KCNN3: variants seen among roughly 807,000 people sequenced by gnomAD.
KCNN3 encodes small conductance calcium-activated potassium channel protein 3.
KCNN3 carries 16 observed loss-of-function variants against 62.9 expected under a neutral mutation model. The ratio of observed to expected loss-of-function variants is 0.25; its 90% CI spans 0.17 to 0.39. The LOEUF (loss-of-function observed/expected upper bound fraction) is 0.39, where lower values mean the gene tolerates loss of function less well. Ranked by LOEUF, KCNN3 falls within the 10% of genes least tolerant of loss-of-function variation. KCNN3 has a pLI of 1.00. For synonymous variants in KCNN3, 370 were observed against 389.2 expected, an observed-to-expected ratio of 0.95 and a Z score of 0.58; for missense variants, 599 against 949.4, an observed-to-expected ratio of 0.63 and a Z score of 4.85.
At position 154,764,115 on chromosome 1, in the gene KCNN3, T is replaced by C. The variant is rs191962958; in HGVS notation, c.1448+7860A>G. Among the ~76,000 whole-genome samples, 379 of 152,372 alleles carry C rather than the reference T, an allele frequency of 2.5e-3. 1 individual carries two copies. The highest frequency in any genetic ancestry group is 8.6e-3 in the African/African-American group (357 of 41,590). ...CTAGGTACTTCTTTTGTAAATTGCATGCAATTAAATTTTGCTTTTAAATCT... is the reference window on the plus strand; with the variant it reads ...CTAGGTACTTCTTTTGTAAATTGCACGCAATTAAATTTTGCTTTTAAATCT... On this transcript the variant is annotated intron_variant, in intron 3 of 7. Coordinates refer to ENST00000271915, the MANE Select transcript of KCNN3 (RefSeq NM_002249.6).
chr1:154,725,117 G>A (rs1700434261), intron 5 of KCNN3, among the ~76,000 whole-genome samples: 2 of 152,174 alleles, frequency 1.3e-5, no homozygotes, highest in Non-Finnish European at 1.5e-5. Context: ...GCCTCCCAAA[G>A]TGCTGGGATT....
intron 1 of KCNN3, among the ~76,000 whole-genome samples, chr1:154,845,547 T>C (rs1179368514): frequency 6.6e-6 from 1 of 152,214 alleles, no homozygotes; most frequent in Non-Finnish European, 1.5e-5. Flanking sequence ...TGAGGCCACC[T>C]TGACTAATGC....
chr1:154,768,550 A>G (rs1050741382), intron 3 of KCNN3, among the ~76,000 whole-genome samples: 4 of 152,134 alleles, frequency 2.6e-5, no homozygotes, highest in African/African-American at 9.7e-5. Flanking sequence ...TCCCTCAGGG[A>G]CCCTGGAGCC....
At chr1:154,855,172 C>T (rs1036594756) in intron 1 of KCNN3, among the ~76,000 whole-genome samples, 7 of 151,974 alleles carry the variant, frequency 4.6e-5, no homozygotes, top group Non-Finnish European at 7.4e-5. Context: ...GAGCCGAGAT[C>T]GTGCCACTGC....
Position 154,862,842 on chromosome 1 carries a change from C to G in KCNN3, c.933+6190G>C, listed in dbSNP as rs934327824. Among the ~76,000 whole-genome samples the G allele has an allele frequency of 6.6e-6, 1 of 152,102 alleles. No individual in the cohort carries two copies. The highest frequency in any genetic ancestry group is 1.9e-4 in the East Asian group (1 of 5,196). ...CCTCCTGTTCCAACATTTTGCATCA[C>G]GGGTCTCAGTGCCATAAACTCAATT... On this transcript the variant is annotated intron_variant, in intron 1 of 7. Coordinates refer to ENST00000271915, the MANE Select transcript of KCNN3 (RefSeq NM_002249.6). The surrounding 1 kb of genome is among the most constrained non-coding windows in gnomAD (Gnocchi z 4.1).
chr1:154,838,178 G>A (rs938863152), intron 1 of KCNN3, among the ~76,000 whole-genome samples: 9 of 152,118 alleles, frequency 5.9e-5, no homozygotes, highest in Non-Finnish European at 1.2e-4. Context: ...TGTGGAGAAC[G>A]TCAGGGCTAA....
intron 2 of KCNN3, among the ~76,000 whole-genome samples, chr1:154,814,378 A>G (rs1650568450): frequency 6.6e-6 from 1 of 152,346 alleles, no homozygotes; most frequent in East Asian, 1.9e-4. Flanking sequence ...CCCCACTGCC[A>G]TGGAGCCCAC....
intron 1 of KCNN3, among the ~76,000 whole-genome samples, chr1:154,829,324 C>T (rs1235325377): frequency 6.6e-6 from 1 of 152,222 alleles, no homozygotes; most frequent in African/African-American, 2.4e-5. Flanking sequence ...GCTCTCTCCA[C>T]GGCAGAGCTC....
At chr1:154,727,893 TGGGCTGAAAGCCCAAAAAGA>T (rs1700504285) in intron 4 of KCNN3, among the ~76,000 whole-genome samples, 1 of 152,182 alleles carries the variant, frequency 6.6e-6, no homozygotes, top group African/African-American at 2.4e-5. Context: ...AAAAGTACTT[TGGGCTGAAAGCCCAAAAAGA>T]GGGCTATATC....
chr1:154,801,515 A>G (rs1649952090), intron 2 of KCNN3, among the ~76,000 whole-genome samples: 1 of 152,092 alleles, frequency 6.6e-6, no homozygotes, highest in South Asian at 2.1e-4. Context: ...GCTCGCTCCC[A>G]CCCCCTGAAA....
At chr1:154,834,611 T>C (rs1340621256) in intron 1 of KCNN3, among the ~76,000 whole-genome samples, 1 of 152,164 alleles carries the variant, frequency 6.6e-6, no homozygotes, top group Non-Finnish European at 1.5e-5. Context: ...CTCTAGGAAC[T>C]CTCCACAGAT....
chr1:154,720,886 C>A (rs1021546557), intron 5 of KCNN3, among the ~76,000 whole-genome samples: 10 of 152,028 alleles, frequency 6.6e-5, no homozygotes, highest in Non-Finnish European at 1.3e-4. Flanking sequence ...CATGCGTGAA[C>A]AGCCACGGCA....
At chr1:154,819,385 G>A (rs761854046) in intron 2 of KCNN3, among the ~76,000 whole-genome samples, 9 of 152,144 alleles carry the variant, frequency 5.9e-5, no homozygotes, top group Admixed American at 2.0e-4. Context: ...TGCTACAAAC[G>A]TGCTATACTC....
At chr1:154,734,738 C>T (rs1157345028) in intron 3 of KCNN3, among the ~76,000 whole-genome samples, 1 of 152,220 alleles carries the variant, frequency 6.6e-6, no homozygotes, top group Non-Finnish European at 1.5e-5. Context: ...ATGTATTGAG[C>T]ACCTACTGTG....
At chr1:154,793,483 AAC>A (rs1235022429) in intron 2 of KCNN3, among the ~76,000 whole-genome samples, 1 of 152,250 alleles carries the variant, frequency 6.6e-6, no homozygotes, top group Non-Finnish European at 1.5e-5. Flanking sequence ...CTTGGGAATT[AAC>A]AGACTCCATT....
chr1:154,803,712 T>C (rs1350289304), intron 2 of KCNN3, among the ~76,000 whole-genome samples: 1 of 152,224 alleles, frequency 6.6e-6, no homozygotes, highest in Non-Finnish European at 1.5e-5. Flanking sequence ...AGTGTACAGC[T>C]GTTCCCACAG....
At chr1:154,866,533 G>A (rs537570234) in intron 1 of KCNN3, among the ~76,000 whole-genome samples, 1 of 152,320 alleles carries the variant, frequency 6.6e-6, no homozygotes, top group South Asian at 2.1e-4. Flanking sequence ...CCAGGAGAGA[G>A]GGATATCTAT....
At chr1:154,820,416 T>C (rs1393538657) in intron 2 of KCNN3, among the ~76,000 whole-genome samples, 1 of 151,982 alleles carries the variant, frequency 6.6e-6, no homozygotes, top group African/African-American at 2.4e-5. Flanking sequence ...CATAACTGAG[T>C]TTTATGGTTC....
chr1:154,743,120 A>C (rs1700860379), intron 3 of KCNN3, among the ~76,000 whole-genome samples: 2 of 148,610 alleles, frequency 1.3e-5, no homozygotes, highest in Non-Finnish European at 3.0e-5. Flanking sequence ...CCACCCTCTC[A>C]CCTTGTCCAG....
Sources: gnomAD v4.1 joint callset for allele counts (sites outside exome capture counted in the v4.1 genomes callset) on GRCh38, gnomAD v4.1.1 for gene constraint, Gnocchi (gnomAD v3.1) non-coding constraint, MANE v1.5 for transcripts, NCBI Gene and HGNC (gene_info 2026-07-23, HGNC 2026-07-21) for gene names.